Variants in NCKAP5 observed in about 807,000 individuals in gnomAD.
NCKAP5 encodes nck-associated protein 5.
In NCKAP5, 92 loss-of-function variants were observed where a neutral mutation model predicts 167.0. That is an observed-to-expected ratio of 0.55 (90% CI 0.47 to 0.66). The LOEUF (loss-of-function observed/expected upper bound fraction) is 0.66. Among genes scored for constraint, NCKAP5 ranks in the 30% least tolerant of loss-of-function variants. The pLI is 0.00. For synonymous variants in NCKAP5, 891 were observed against 877.4 expected (o/e 1.02, Z -0.27); for missense variants, 2,378 against 2,315.0 (o/e 1.03, Z -0.56).
intron 6 of NCKAP5, among the ~76,000 whole-genome samples, chr2:133,026,302 G>T (rs2078697160): frequency 6.6e-6 from 1 of 151,434 alleles, no homozygotes; most frequent in Admixed American, 6.6e-5. Context: ...GTTGTTTGAT[G>T]ATAGGTTCTT....
chr2:132,809,002 T>G (rs750701162), intron 11 of NCKAP5, among the ~76,000 whole-genome samples: 43 of 152,168 alleles, frequency 2.8e-4, no homozygotes, highest in Non-Finnish European at 2.5e-4. Context: ...ATTTTTTATT[T>G]CCATCTTGAT....
Position 132,782,767 on chromosome 2 carries a change from C to T in NCKAP5, c.4044G>A (p.Gly1348=). 6.2e-7 allele frequency: 1 copy of T among 1,613,840 alleles called. No individual in the cohort carries two copies. Among genetic ancestry groups the T allele is most frequent in the Non-Finnish European group, 8.5e-7 (1 of 1,179,788 alleles). ...TGCCTGAGCTCCCCAGGGAGCCCTT[C>T]CCGGAGGAGGGGTGCCCCGAGGGCC... is the stretch of plus-strand genomic sequence containing the variant. The part of the protein sequence containing the change: ...VGRPSGHPSS[G]KGSLGSSGSF... The change falls in exon 14 of 20, where the codon GGG becomes GGA. Residue 1348 remains glycine (G), a synonymous_variant. Transcript: ENST00000409261.
intron 8 of NCKAP5, among the ~76,000 whole-genome samples, chr2:132,961,524 A>C (rs570467436): frequency 2.0e-5 from 3 of 152,254 alleles, no homozygotes; most frequent in East Asian, 3.9e-4. Context: ...ATTAAAAAAT[A>C]AAATAGTTTT....
chr2:132,673,684 G>A (rs900383893), intron 19 of NCKAP5, among the ~76,000 whole-genome samples: 1 of 152,032 alleles, frequency 6.6e-6, no homozygotes, highest in Admixed American at 6.5e-5. Context: ...TTGAATTTCA[G>A]CCAGAAGTTA....
At chr2:133,031,717 T>TGAGGA (rs1042658773) in intron 6 of NCKAP5, among the ~76,000 whole-genome samples, 3 of 151,674 alleles carry the variant, frequency 2.0e-5, no homozygotes, top group African/African-American at 7.3e-5. Flanking sequence ...TCCTTCTACT[T>TGAGGA]GAGGAGAGGA....
intron 11 of NCKAP5, among the ~76,000 whole-genome samples, chr2:132,846,393 C>T (rs539487828): frequency 4.6e-5 from 7 of 152,062 alleles, no homozygotes; most frequent in Non-Finnish European, 1.0e-4. Flanking sequence ...CAGCCTCCGT[C>T]TCCTGGGTTC....
chr2:132,737,285 A>G (rs561491472), intron 16 of NCKAP5, among the ~76,000 whole-genome samples: 1 of 152,104 alleles, frequency 6.6e-6, no homozygotes, highest in Non-Finnish European at 1.5e-5. Context: ...TCTTTTACTG[A>G]CACCTTGAAT....
intron 3 of NCKAP5, among the ~76,000 whole-genome samples, chr2:133,369,086 A>C (rs1223127638): frequency 6.9e-6 from 1 of 143,894 alleles, no homozygotes; most frequent in Non-Finnish European, 1.6e-5. Context: ...CAGTTTACAG[A>C]AGGCTTTGAA....
chr2:132,700,996 C>G (rs988734029), intron 19 of NCKAP5, among the ~76,000 whole-genome samples: 3 of 151,232 alleles, frequency 2.0e-5, no homozygotes, highest in Admixed American at 6.6e-5. Context: ...TTTAATCGGT[C>G]TAGAATTTAG....
rs1683447757 is a variant in NCKAP5, at chr2:132,785,136, C to A, written c.1675G>T (p.Val559Leu). Residue 559 changes from valine to leucine, a missense_variant, in exon 14 of 20, where the codon GTA becomes TTA. Physicochemically the swap from Val to Leu is conservative, Grantham distance 32. Coordinates refer to ENST00000409261, the MANE Select transcript of NCKAP5 (RefSeq NM_207363.3). ...KLCPSVQTPQ[V>L]QRERGPQGQG... Reference sequence around the variant, plus strand: ...CCCTGTGGGCCCCTCTCCCTCTGTACCTGAGGCGTCTGCACACTTGGGCAC... The same window carrying A: ...CCCTGTGGGCCCCTCTCCCTCTGTAACTGAGGCGTCTGCACACTTGGGCAC... 1.2e-6 allele frequency: 2 copies of A among 1,611,876 alleles called. No homozygotes were observed. Among genetic ancestry groups the A allele is most frequent in the African/African-American group, 1.3e-5 (1 of 74,890 alleles).
At chr2:133,059,675 A>G (rs754223977) in intron 6 of NCKAP5, among the ~76,000 whole-genome samples, 20 of 148,020 alleles carry the variant, frequency 1.4e-4, no homozygotes, top group Non-Finnish European at 3.0e-4. Context: ...TGCTATTTCA[A>G]AAAAAAAAAA....
chr2:132,724,791 T>C (rs1281529485), intron 19 of NCKAP5, among the ~76,000 whole-genome samples: 1 of 152,108 alleles, frequency 6.6e-6, no homozygotes, highest in Non-Finnish European at 1.5e-5. Context: ...TCTTCTTACA[T>C]GCTACTCTAA....
chr2:132,919,615 C>T (rs1221481568), intron 8 of NCKAP5, among the ~76,000 whole-genome samples: 1 of 151,652 alleles, frequency 6.6e-6, no homozygotes, highest in African/African-American at 2.4e-5. Flanking sequence ...GTGGAGTTGA[C>T]CTTAAAGAAA....
chr2:133,102,709 G>T (rs1239774727), intron 6 of NCKAP5, among the ~76,000 whole-genome samples: 2 of 148,238 alleles, frequency 1.3e-5, no homozygotes, highest in East Asian at 4.1e-4. Flanking sequence ...TTGCTAACTG[G>T]ATCATTCTTA....
intron 6 of NCKAP5, among the ~76,000 whole-genome samples, chr2:133,107,445 T>C (rs552530651): frequency 2.8e-4 from 42 of 152,362 alleles, no homozygotes; most frequent in Non-Finnish European, 5.4e-4. Context: ...TAAAGGAGAC[T>C]TGCAATAAAA....
chr2:132,958,671 C>G (rs890321094), intron 8 of NCKAP5, among the ~76,000 whole-genome samples: 3 of 152,310 alleles, frequency 2.0e-5, no homozygotes, highest in Non-Finnish European at 1.5e-5. Context: ...GTTCCTTGGA[C>G]TTGCCAAGCT....
At chr2:133,142,391 C>T (rs1486037730) in intron 5 of NCKAP5, among the ~76,000 whole-genome samples, 1 of 152,124 alleles carries the variant, frequency 6.6e-6, no homozygotes, top group East Asian at 1.9e-4. Flanking sequence ...CTGCCTGGCC[C>T]GTTGTTGGGT....
intron 3 of NCKAP5, among the ~76,000 whole-genome samples, chr2:133,408,498 G>A (rs990500936): frequency 2.0e-5 from 3 of 151,970 alleles, no homozygotes; most frequent in Admixed American, 6.6e-5. Context: ...TCCCAAAAAT[G>A]TAAAGCAATC....
At chr2:132,991,519 T>C (rs1180966375) in intron 7 of NCKAP5, among the ~76,000 whole-genome samples, 1 of 152,144 alleles carries the variant, frequency 6.6e-6, no homozygotes, top group African/African-American at 2.4e-5. Context: ...AAGCAACAAA[T>C]TATGAAAGGC....
Sources: gnomAD v4.1 joint callset for allele counts (sites outside exome capture counted in the v4.1 genomes callset) on GRCh38, gnomAD v4.1.1 for gene constraint, MANE v1.5 for transcripts, NCBI Gene and HGNC (gene_info 2026-07-23, HGNC 2026-07-21) for gene names.